Variants in PIK3AP1 observed in about 807,000 individuals in gnomAD.
PIK3AP1 encodes the protein phosphoinositide 3-kinase adapter protein 1.
A neutral mutation model predicts 88.1 loss-of-function variants in PIK3AP1; 21 were observed. The observed-to-expected ratio is 0.24, with a 90% CI of 0.17 to 0.34. PIK3AP1 has a LOEUF of 0.34. Among genes scored for constraint, PIK3AP1 ranks in the 10% least tolerant of loss-of-function variants. PIK3AP1 has a pLI of 1.00. For synonymous variants in PIK3AP1, 398 were observed against 400.0 expected (o/e 1.00, Z 0.06); for missense variants, 828 against 1,035.7 (o/e 0.80, Z 2.75).
rs144140979 is a variant in PIK3AP1, at chr10:96,707,375, C to A, written c.430+2192G>T. On this transcript the variant is annotated intron_variant, in intron 2 of 16. Transcript: ENST00000339364. ...TGGCACAATTTCGGCTCACTGCAAC[C>A]TCCGCCTCCCGGGCTCAAGTGATTC... Among the ~76,000 whole-genome samples the A allele has an allele frequency of 5.8e-4, 89 of 152,352 alleles. No homozygotes were observed. The East Asian group carries it at 0.014, about 25-fold the overall frequency.
chr10:96,652,753 A>G lies in PIK3AP1; in HGVS notation c.657T>C (p.Ser219=), dbSNP rs1843557430. The G allele has an allele frequency of 1.9e-6, 3 of 1,614,124 alleles. No homozygotes were observed. Among genetic ancestry groups the G allele is most frequent in the Non-Finnish European group, 2.5e-6 (3 of 1,180,000 alleles). Residue 219 remains serine, a synonymous_variant, in exon 4 of 17, where the codon TCT becomes TCC. Coordinates refer to ENST00000339364, the MANE Select transcript of PIK3AP1 (RefSeq NM_152309.3). ...TCTCCACCTTGGCTTCCATCCTTAC[A>G]GAGGGAGAATCCTCAGGAGAAAACT... is the stretch of plus-strand genomic sequence containing the variant. ...EAEFSPEDSP[S]VRMEAKVENE...
intron 13 of PIK3AP1, among the ~76,000 whole-genome samples, chr10:96,614,010 C>T (rs1222571418): frequency 6.6e-6 from 1 of 152,176 alleles, no homozygotes; most frequent in Non-Finnish European, 1.5e-5. Context: ...AATTTGACCC[C>T]AACCTCGCTG....
At chr10:96,719,597 T>C (rs377662047) in intron 1 of PIK3AP1, among the ~76,000 whole-genome samples, 17 of 152,302 alleles carry the variant, frequency 1.1e-4, no homozygotes, top group Middle Eastern at 3.4e-3. Flanking sequence ...ACAGTATCCA[T>C]TGGAGTGCAA....
At chr10:96,697,879 A>T (rs1481929430) in intron 2 of PIK3AP1, among the ~76,000 whole-genome samples, 1 of 152,274 alleles carries the variant, frequency 6.6e-6, no homozygotes, top group Non-Finnish European at 1.5e-5. Flanking sequence ...AAAGTAATGC[A>T]TATACCAACA....
At chr10:96,716,241 C>T (rs980645289) in intron 1 of PIK3AP1, among the ~76,000 whole-genome samples, 7 of 152,162 alleles carry the variant, frequency 4.6e-5, no homozygotes, top group Non-Finnish European at 8.8e-5. Flanking sequence ...CAGGTCGTAC[C>T]ACTGCCCTCC....
At chr10:96,602,520 T>C in intron 15 of PIK3AP1, 122 bp from the exon 16 acceptor site, 2 of 787,290 alleles carry the variant, frequency 2.5e-6, no homozygotes, top group Non-Finnish European at 4.1e-6. Context: ...TGTTTGCAAA[T>C]TGATAATCAA....
intron 2 of PIK3AP1, among the ~76,000 whole-genome samples, chr10:96,668,604 GA>G (rs1169325694): frequency 1.3e-5 from 2 of 152,158 alleles, no homozygotes; most frequent in Non-Finnish European, 2.9e-5. Context: ...GAATTAAACA[GA>G]AACAGTCACT....
intron 7 of PIK3AP1, 26 bp downstream of exon 7, chr10:96,648,633 C>T: frequency 6.3e-7 from 1 of 1,576,242 alleles, no homozygotes; most frequent in African/African-American, 1.4e-5. Flanking sequence ...ATTTCCAATC[C>T]TGGGCCCCTC....
At chr10:96,703,523 A>G (rs994235872) in intron 2 of PIK3AP1, among the ~76,000 whole-genome samples, 5 of 152,208 alleles carry the variant, frequency 3.3e-5, no homozygotes, top group Non-Finnish European at 7.3e-5. Context: ...AAAAACACTC[A>G]ATATCACCCA....
intron 2 of PIK3AP1, among the ~76,000 whole-genome samples, chr10:96,659,327 G>T (rs1843655446): frequency 6.6e-6 from 1 of 152,130 alleles, no homozygotes; most frequent in African/African-American, 2.4e-5. Context: ...ACTATTCTGA[G>T]TGGCCACAGT....
chr10:96,699,269 C>T (rs1844262494), intron 2 of PIK3AP1, among the ~76,000 whole-genome samples: 1 of 152,188 alleles, frequency 6.6e-6, no homozygotes. Context: ...GCTTCACTGT[C>T]CAATATGGCA....
chr10:96,715,812 C>T (rs1045212029), intron 1 of PIK3AP1, among the ~76,000 whole-genome samples: 1 of 151,204 alleles, frequency 6.6e-6, no homozygotes, highest in African/African-American at 2.4e-5. Flanking sequence ...ATGGCATGAA[C>T]CCGGGAGGCG....
chr10:96,593,713 G>A lies in PIK3AP1; in HGVS notation c.*1864C>T, dbSNP rs1392347150. On this transcript the variant is annotated 3_prime_UTR_variant, in exon 17 of 17. Coordinates refer to ENST00000339364, the MANE Select transcript of PIK3AP1 (RefSeq NM_152309.3). The stretch of plus-strand genomic sequence containing the variant: ...ATCACTGAGGGAACATTTGAAGAAT[G>A]CTACTAAGTGCCAGGTCCTGTACAA... 1 of 152,186 alleles carries A rather than the reference G, an allele frequency of 6.6e-6. No individual in the cohort carries two copies. The highest frequency in any genetic ancestry group is 1.5e-5 in the Non-Finnish European group (1 of 68,038). The allele number at this position is 152,186 out of a possible 1,614,324, so 9.4% of individuals were successfully genotyped here.
At chr10:96,667,173 C>G (rs903652023) in intron 2 of PIK3AP1, among the ~76,000 whole-genome samples, 1 of 152,228 alleles carries the variant, frequency 6.6e-6, no homozygotes, top group East Asian at 1.9e-4. Context: ...GCCTCCAACC[C>G]AAGGCTGCAC....
intron 13 of PIK3AP1, among the ~76,000 whole-genome samples, chr10:96,611,419 C>A (rs1309246330): frequency 6.6e-6 from 1 of 152,126 alleles, no homozygotes; most frequent in Non-Finnish European, 1.5e-5. Flanking sequence ...ATCTTAGAGA[C>A]CAAACGAGTG....
At position 96,709,806 on chromosome 10, in the gene PIK3AP1, G is replaced by A; in HGVS notation, c.191C>T (p.Thr64Ile). The A allele has an allele frequency of 6.2e-7, 1 of 1,613,670 alleles. No homozygotes were observed. Among genetic ancestry groups the A allele is most frequent in the Non-Finnish European group, 8.5e-7 (1 of 1,179,662 alleles). The change falls in exon 2 of 17, where the codon ACC becomes ATC. Residue 64 changes from threonine to isoleucine, a missense_variant. Physicochemically the swap from Thr to Ile is moderately conservative, Grantham distance 89. Around this residue, in one of 3 missense-constraint regions of PIK3AP1, gnomAD observed 610 missense variants for 760.1 expected, o/e 0.80. Coordinates refer to ENST00000339364, the MANE Select transcript of PIK3AP1 (RefSeq NM_152309.3). ...SAEDLSLFLS[T>I]RCVVVLLSAE... ...GGACAGCAGCACCACGACACAGCGG[G>A]TGCTGAGGAAAAGGCTTAGGTCCTC... is the stretch of plus-strand genomic sequence containing the variant.
chr10:96,700,306 G>A (rs1373879636), intron 2 of PIK3AP1, among the ~76,000 whole-genome samples: 2 of 152,044 alleles, frequency 1.3e-5, no homozygotes, highest in Non-Finnish European at 2.9e-5. Context: ...CTGTAATCCT[G>A]GGCGACTCTG....
chr10:96,619,069 C>T (rs1427516051), intron 12 of PIK3AP1, among the ~76,000 whole-genome samples: 2 of 152,228 alleles, frequency 1.3e-5, no homozygotes, highest in Non-Finnish European at 2.9e-5. Context: ...AGGTTTGAAC[C>T]TTGACTGCCT....
chr10:96,705,440 A>G (rs1205212290), intron 2 of PIK3AP1, among the ~76,000 whole-genome samples: 1 of 152,066 alleles, frequency 6.6e-6, no homozygotes, highest in Non-Finnish European at 1.5e-5. Context: ...AACCCATTCC[A>G]CCTTCACACA....
Sources: allele counts gnomAD v4.1 joint callset (sites outside exome capture counted in the v4.1 genomes callset), GRCh38; gene constraint gnomAD v4.1.1; regional missense constraint gnomAD v4.1.1; transcripts MANE v1.5; gene names NCBI Gene and HGNC (gene_info 2026-07-23, HGNC 2026-07-21).